Variants in KLHL29 observed in about 807,000 individuals in gnomAD.
The protein encoded by KLHL29 is kelch like family member 29.
In KLHL29, 21 loss-of-function variants were observed where a neutral mutation model predicts 80.4. The observed-to-expected ratio is 0.26, with a 90% CI of 0.19 to 0.38. KLHL29 has a LOEUF of 0.38. Ranked by LOEUF, KLHL29 falls within the 10% of genes least tolerant of loss-of-function variation. The pLI is 1.00. For synonymous variants in KLHL29, 511 were observed against 526.8 expected, an observed-to-expected ratio of 0.97 and a Z score of 0.41; for missense variants, 867 against 1,223.9, an observed-to-expected ratio of 0.71 and a Z score of 4.35.
chr2:23,413,889 C>T (rs1301997435), intron 1 of KLHL29, among the ~76,000 whole-genome samples: 5 of 152,278 alleles, frequency 3.3e-5, no homozygotes. Context: ...GGTAAGGTGG[C>T]ATCAGGCACA....
intron 1 of KLHL29, among the ~76,000 whole-genome samples, chr2:23,432,514 C>T (rs1009747105): frequency 3.2e-4 from 49 of 152,252 alleles, no homozygotes; most frequent in African/African-American, 1.1e-3. Flanking sequence ...GGTCCCTGTC[C>T]TTGCACTTCT....
intron 3 of KLHL29, among the ~76,000 whole-genome samples, chr2:23,570,430 T>C (rs1210210840): frequency 6.6e-6 from 1 of 152,228 alleles, no homozygotes; most frequent in Non-Finnish European, 1.5e-5. Flanking sequence ...TTGCAGTCCC[T>C]TAAGAAAACA....
chr2:23,536,027 G>A (rs1666649337), intron 2 of KLHL29, among the ~76,000 whole-genome samples: 1 of 152,174 alleles, frequency 6.6e-6, no homozygotes, highest in East Asian at 1.9e-4. Flanking sequence ...TCATTCAGGG[G>A]ACTGCTTAGC....
chr2:23,504,934 G>A (rs1444588872), intron 2 of KLHL29, among the ~76,000 whole-genome samples: 1 of 152,188 alleles, frequency 6.6e-6, no homozygotes, highest in African/African-American at 2.4e-5. Flanking sequence ...GCAGCCAACC[G>A]AAGCCTCCAC....
intron 2 of KLHL29, among the ~76,000 whole-genome samples, chr2:23,540,427 A>G (rs182526489): frequency 7.9e-5 from 12 of 152,308 alleles, no homozygotes; most frequent in Admixed American, 2.0e-4. Context: ...ATTGCAGAAA[A>G]TCGTACTGGC....
At chr2:23,488,719 C>T (rs1253355288) in intron 2 of KLHL29, among the ~76,000 whole-genome samples, 1 of 152,048 alleles carries the variant, frequency 6.6e-6, no homozygotes, top group Non-Finnish European at 1.5e-5. Flanking sequence ...CAGGGAGTGT[C>T]GCCTACACAA....
rs556426350 is a variant in KLHL29, at chr2:23,503,909, C to G, written c.-46+28242C>G. On this transcript the variant is annotated intron_variant, in intron 2 of 13. Coordinates refer to ENST00000486442, the MANE Select transcript of KLHL29 (RefSeq NM_052920.2). This position sits in a 1 kb window ranked among gnomAD's most constrained non-coding sequence, Gnocchi z 4.0. ...TAGAATGCTTCTGCTGTGCCTGCAT[C>G]CTTCCCTCCTCCACTAGGAGCCTCT... Among the ~76,000 whole-genome samples the G allele has an allele frequency of 6.6e-6, 1 of 152,208 alleles. No homozygotes were observed. Among genetic ancestry groups the G allele is most frequent in the East Asian group, 1.9e-4 (1 of 5,188 alleles).
chr2:23,479,109 G>GAC (rs1364052676), intron 2 of KLHL29, among the ~76,000 whole-genome samples: 4 of 151,534 alleles, frequency 2.6e-5, no homozygotes, highest in Non-Finnish European at 5.9e-5. Flanking sequence ...TGCTCCGGCC[G>GAC]ACACAGACAC....
At chr2:23,663,980 C>T (rs1670488705) in intron 5 of KLHL29, among the ~76,000 whole-genome samples, 1 of 152,194 alleles carries the variant, frequency 6.6e-6, no homozygotes, top group African/African-American at 2.4e-5. Flanking sequence ...ATTATTAAGA[C>T]GTGTAGTTTC....
chr2:23,652,314 C>T (rs1670108770), intron 5 of KLHL29, among the ~76,000 whole-genome samples: 2 of 152,218 alleles, frequency 1.3e-5, no homozygotes, highest in Admixed American at 1.3e-4. Flanking sequence ...AGGGAACCTA[C>T]CGTCACCACT....
At chr2:23,422,737 G>C (rs542483035) in intron 1 of KLHL29, among the ~76,000 whole-genome samples, 1 of 151,414 alleles carries the variant, frequency 6.6e-6, no homozygotes, top group Non-Finnish European at 1.5e-5. Context: ...GGCAGTGCCC[G>C]TGTGTGTCTG....
intron 3 of KLHL29, among the ~76,000 whole-genome samples, chr2:23,626,084 A>C (rs1384839616): frequency 6.6e-6 from 1 of 151,834 alleles, no homozygotes; most frequent in East Asian, 1.9e-4. Context: ...TTTTCCATGC[A>C]TGGGGGTAGG....
In KLHL29 at chr2:23,562,853, C is replaced by T. The variant is rs1379753147; in HGVS notation, c.285+372C>T. ...CAAGCATCCCTGGGGGTGCCAGTAA[C>T]TTGGGTGTGCAAGAAGATACTGACA... On this transcript the variant is annotated intron_variant, in intron 3 of 13. Coordinates refer to ENST00000486442, the MANE Select transcript of KLHL29 (RefSeq NM_052920.2). This position sits in a 1 kb window ranked among gnomAD's most constrained non-coding sequence, Gnocchi z 4.5. Among the ~76,000 whole-genome samples, 1 of 152,132 alleles carries T rather than the reference C, an allele frequency of 6.6e-6. No individual in the cohort carries two copies. The highest frequency in any genetic ancestry group is 1.5e-5 in the Non-Finnish European group (1 of 68,022).
intron 2 of KLHL29, among the ~76,000 whole-genome samples, chr2:23,554,115 C>T (rs1193320337): frequency 2.6e-5 from 4 of 152,172 alleles, no homozygotes; most frequent in East Asian, 1.9e-4. Flanking sequence ...GAGGCATTTC[C>T]GAAGGGCATC....
chr2:23,498,619 T>A (rs978857839), intron 2 of KLHL29, among the ~76,000 whole-genome samples: 14 of 152,234 alleles, frequency 9.2e-5, no homozygotes, highest in African/African-American at 3.4e-4. Context: ...CGTTAGGACA[T>A]TTAGGAAGGT....
intron 2 of KLHL29, among the ~76,000 whole-genome samples, chr2:23,558,772 C>A (rs1667364737): frequency 2.0e-5 from 3 of 152,264 alleles, no homozygotes; most frequent in Non-Finnish European, 2.9e-5. Context: ...GCGTTTCTTT[C>A]TGTGTCTGAG....
intron 2 of KLHL29, among the ~76,000 whole-genome samples, chr2:23,477,046 G>T (rs907857429): frequency 6.6e-6 from 1 of 152,388 alleles, no homozygotes; most frequent in South Asian, 2.1e-4. Context: ...CAGGACAGTG[G>T]AGGCCCAGCT....
At chr2:23,627,910 C>CTTTTTTT (rs10624746) in intron 3 of KLHL29, among the ~76,000 whole-genome samples, 2,419 of 120,604 alleles carry the variant, frequency 0.02, 220 homozygotes, top group African/African-American at 0.052. Context: ...GGCCAGGAGT[C>CTTTTTTT]TTTTTTTTTT....
chr2:23,636,967 G>A (rs763667473), intron 3 of KLHL29, among the ~76,000 whole-genome samples: 24 of 152,116 alleles, frequency 1.6e-4, no homozygotes, highest in Non-Finnish European at 2.8e-4. Context: ...TGTGATTCAG[G>A]AGGGGAGAAG....
Sources: allele counts gnomAD v4.1 joint callset (sites outside exome capture counted in the v4.1 genomes callset), GRCh38; gene constraint gnomAD v4.1.1; non-coding constraint Gnocchi (gnomAD v3.1); transcripts MANE v1.5; gene names NCBI Gene and HGNC (gene_info 2026-07-23, HGNC 2026-07-21).